Variants in UCK2 observed in about 807,000 individuals in gnomAD.
UCK2 encodes the protein cytidine monophosphokinase 2.
UCK2 carries 6 observed loss-of-function variants against 30.8 expected under a neutral mutation model. The observed-to-expected ratio is 0.19, with a 90% CI of 0.11 to 0.38. The LOEUF is 0.38. Ranked by LOEUF, UCK2 falls within the 10% of genes least tolerant of loss-of-function variation. The probability of loss-of-function intolerance (pLI) is 1.00; values close to 1 mark genes in which losing one functional copy is unlikely to be tolerated. For missense variants in UCK2, 210 were observed against 339.8 expected (o/e 0.62, Z 3.00); for synonymous variants, 125 against 133.6 (o/e 0.94, Z 0.45).
At chr1:165,861,525 A>G (rs12118784) in intron 1 of UCK2, among the ~76,000 whole-genome samples, 57,286 of 139,658 alleles carry the variant, frequency 0.41, 11,920 homozygotes, top group African/African-American at 0.47. Flanking sequence ...CTACTTGGGA[A>G]GCTGAGGCAG....
chr1:165,875,140 A>G (rs1419258776), intron 1 of UCK2, among the ~76,000 whole-genome samples: 1 of 152,052 alleles, frequency 6.6e-6, no homozygotes, highest in Non-Finnish European at 1.5e-5. Flanking sequence ...TATTGAACAT[A>G]TAGTTTGTGC....
intron 1 of UCK2, among the ~76,000 whole-genome samples, chr1:165,841,253 G>A (rs768655469): frequency 6.6e-6 from 1 of 151,352 alleles, no homozygotes; most frequent in Non-Finnish European, 1.5e-5. Flanking sequence ...GCACGATCTC[G>A]GCTCACTGCA....
intron 1 of UCK2, among the ~76,000 whole-genome samples, chr1:165,860,524 C>T (rs550099280): frequency 9.6e-4 from 146 of 152,240 alleles, no homozygotes; most frequent in African/African-American, 2.9e-3. Context: ...TTGCAGCTCA[C>T]TGCAGCTTCG....
intron 1 of UCK2, among the ~76,000 whole-genome samples, chr1:165,844,593 A>G (rs957183237): frequency 6.6e-6 from 1 of 152,206 alleles, no homozygotes; most frequent in Admixed American, 6.5e-5. Flanking sequence ...CTGGATAGCC[A>G]GGATGGTGGC....
chr1:165,851,745 C>T (rs1654603015), intron 1 of UCK2, among the ~76,000 whole-genome samples: 2 of 152,140 alleles, frequency 1.3e-5, no homozygotes, highest in African/African-American at 4.8e-5. Context: ...GTTCCCTCCC[C>T]TCATCCCTAC....
rs1215235979 is a variant in UCK2, at chr1:165,890,261, C to A, written c.157C>A (p.Gln53Lys). Reference sequence around the variant, plus strand: ...GGGGCAGAATGAGGTGGACTATCGCCAGAAGCAGGTGGTCATCCTGAGCCA... The same window carrying A: ...GGGGCAGAATGAGGTGGACTATCGCAAGAAGCAGGTGGTCATCCTGAGCCA... Reference protein sequence around the residue: ...LLGQNEVDYRQKQVVILSQDS... With the variant: ...LLGQNEVDYRKKQVVILSQDS... Residue 53 changes from glutamine (Q) to lysine (K), a missense_variant, in exon 2 of 7, where the codon CAG becomes AAG. Physicochemically the swap from Gln to Lys is moderately conservative, Grantham distance 53. Coordinates refer to ENST00000367879, the MANE Select transcript of UCK2 (RefSeq NM_012474.5). 6.2e-7 allele frequency: 1 copy of A among 1,614,146 alleles called. No homozygotes were observed. The highest frequency in any genetic ancestry group is 1.3e-5 in the African/African-American group (1 of 75,018).
chr1:165,895,939 G>T (rs1647220249), intron 3 of UCK2: 1 of 396,292 alleles, frequency 2.5e-6, no homozygotes, highest in Non-Finnish European at 4.5e-6. Context: ...TGTCTGCCGT[G>T]TATTTCTGTT....
At chr1:165,906,856 T>C (rs943260607) in intron 6 of UCK2, among the ~76,000 whole-genome samples, 1 of 152,242 alleles carries the variant, frequency 6.6e-6, no homozygotes, top group African/African-American at 2.4e-5. Context: ...GCAATAAATA[T>C]TTAACCCTGT....
At chr1:165,881,292 A>G (rs1304527874) in intron 1 of UCK2, among the ~76,000 whole-genome samples, 1 of 150,524 alleles carries the variant, frequency 6.6e-6, no homozygotes, top group East Asian at 1.9e-4. Context: ...TATCTTTTAC[A>G]TGGTTATAGT....
intron 1 of UCK2, among the ~76,000 whole-genome samples, chr1:165,877,869 A>C (rs1244964411): frequency 6.6e-6 from 1 of 152,136 alleles, no homozygotes; most frequent in Non-Finnish European, 1.5e-5. Context: ...ATTGAGGAAA[A>C]GATAGAGATT....
In UCK2 at chr1:165,890,186, T is replaced by C. The variant is rs76935212; in HGVS notation, c.100-18T>C. 3.2e-5 allele frequency: 52 copies of C among 1,613,470 alleles called. No homozygotes were observed. The African/African-American group carries it at 6.7e-4, about 21-fold the overall frequency. ...TGCCCTTTCTCTTATTCCTGGGTGC[T>C]CTCTTCTCTCCTCACAGTCTTCCGT... On this transcript the variant is annotated intron_variant, in intron 1 of 6. Coordinates refer to ENST00000367879, the MANE Select transcript of UCK2 (RefSeq NM_012474.5).
intron 4 of UCK2, among the ~76,000 whole-genome samples, chr1:165,901,070 C>T (rs61057126): frequency 0.095 from 14,505 of 152,134 alleles, 2,297 homozygotes; most frequent in African/African-American, 0.33. Flanking sequence ...AGCCACGTGG[C>T]AGCTCCTTAG....
intron 1 of UCK2, among the ~76,000 whole-genome samples, chr1:165,859,941 G>A (rs1022508312): frequency 3.9e-5 from 6 of 152,120 alleles, no homozygotes; most frequent in Admixed American, 3.3e-4. Context: ...CAGGCCTCCC[G>A]TTCCACTGCA....
chr1:165,857,722 G>A (rs183496324), intron 1 of UCK2, among the ~76,000 whole-genome samples: 156 of 152,310 alleles, frequency 1.0e-3, no homozygotes, highest in African/African-American at 3.1e-3. Flanking sequence ...TGTGCGAAGC[G>A]AAGCATTTGA....
chr1:165,874,180 A>G (rs1655276293), intron 1 of UCK2, among the ~76,000 whole-genome samples: 1 of 152,168 alleles, frequency 6.6e-6, no homozygotes. Flanking sequence ...TGCTGCCCTC[A>G]TAAGCACTGA....
At chr1:165,882,413 G>A (rs1655521199) in intron 1 of UCK2, among the ~76,000 whole-genome samples, 1 of 152,206 alleles carries the variant, frequency 6.6e-6, no homozygotes, top group African/African-American at 2.4e-5. Flanking sequence ...TGTTGAAAGT[G>A]ACAGAAAACC....
At chr1:165,857,488 A>G (rs999955068) in intron 1 of UCK2, among the ~76,000 whole-genome samples, 3 of 152,168 alleles carry the variant, frequency 2.0e-5, no homozygotes, top group Non-Finnish European at 2.9e-5. Context: ...GGGAGCCACA[A>G]TTGCCTGGGG....
intron 1 of UCK2, among the ~76,000 whole-genome samples, chr1:165,829,521 G>A (rs759830689): frequency 6.6e-6 from 1 of 152,184 alleles, no homozygotes; most frequent in Non-Finnish European, 1.5e-5. Flanking sequence ...TCCTAAAGTG[G>A]GGAGGAGGCT....
intron 4 of UCK2, among the ~76,000 whole-genome samples, chr1:165,901,904 A>G (rs1172825683): frequency 1.4e-5 from 2 of 147,026 alleles, no homozygotes; most frequent in East Asian, 4.0e-4. Context: ...GAGCCCAAGA[A>G]TTCAAGACTA....
Sources: allele counts gnomAD v4.1 joint callset (sites outside exome capture counted in the v4.1 genomes callset), GRCh38; gene constraint gnomAD v4.1.1; transcripts MANE v1.5; gene names NCBI Gene and HGNC (gene_info 2026-07-23, HGNC 2026-07-21).